C1orf105: variants seen among roughly 807,000 people sequenced by gnomAD.
C1orf105 encodes the protein chromosome 1 open reading frame 105, also known as uncharacterized protein C1orf105.
C1orf105 carries 17 observed loss-of-function variants against 20.8 expected under a neutral mutation model. The ratio of observed to expected loss-of-function variants is 0.82; its 90% CI spans 0.56 to 1.23. The LOEUF (loss-of-function observed/expected upper bound fraction) is 1.23, where lower values mean the gene tolerates loss of function less well. C1orf105 is among the 50% of genes most tolerant of loss of function. The probability of loss-of-function intolerance (pLI) is 0.00; values close to 1 mark genes in which losing one functional copy is unlikely to be tolerated. For missense variants in C1orf105, 219 were observed against 213.5 expected (o/e 1.03, Z -0.16); for synonymous variants, 72 against 72.1 (o/e 1.00, Z 0.01).
At chr1:172,466,918 C>G (rs1419506648) in intron 6 of C1orf105, among the ~76,000 whole-genome samples, 1 of 152,096 alleles carries the variant, frequency 6.6e-6, no homozygotes, top group Non-Finnish European at 1.5e-5. Flanking sequence ...AGCCATGGCC[C>G]TTCTGAGCTG....
chr1:172,437,582 C>T (rs895974692), intron 1 of C1orf105, among the ~76,000 whole-genome samples: 9 of 30,808 alleles, frequency 2.9e-4, no homozygotes, highest in Admixed American at 9.5e-4. Context: ...TGGGGCCTGC[C>T]GGGGGGTGGG....
intron 1 of C1orf105, chr1:172,441,723 C>T: frequency 6.5e-7 from 1 of 1,531,446 alleles, no homozygotes; most frequent in Non-Finnish European, 8.8e-7. Context: ...TAATGGATGT[C>T]CTAATTTAAC....
At chr1:172,430,986 T>A in intron 1 of C1orf105, 1 of 492,440 alleles carries the variant, frequency 2.0e-6, no homozygotes, top group Admixed American at 3.6e-5. Flanking sequence ...GCAAACTTAG[T>A]GGATATGTGT....
chr1:172,445,153 C>T lies in C1orf105; in HGVS notation c.102C>T (p.Pro34=), dbSNP rs1647838980. 1.9e-6 allele frequency: 3 copies of T among 1,610,424 alleles called. No individual in the cohort carries two copies. The highest frequency in any genetic ancestry group is 3.4e-5 in the Admixed American group (2 of 59,256). Reference sequence around the variant, plus strand: ...ACAAGCCATTAGTGCTCAGCCTTCCCAGAAGGTAACCTCTCAGCCACCGAG... The same window carrying T: ...ACAAGCCATTAGTGCTCAGCCTTCCTAGAAGGTAACCTCTCAGCCACCGAG... The part of the protein sequence containing the change: ...LVNKPLVLSL[P]RRYPHTSATF... Residue 34 remains proline (P), a synonymous_variant, in exon 2 of 7, where the codon CCC becomes CCT. Transcript: ENST00000367727.
chr1:172,451,591 C>T (rs1648640417), intron 3 of C1orf105, among the ~76,000 whole-genome samples: 1 of 151,978 alleles, frequency 6.6e-6, no homozygotes. Flanking sequence ...ATTACAAATA[C>T]AATTTTTAAA....
chr1:172,454,665 A>G (rs1649037409), intron 3 of C1orf105, among the ~76,000 whole-genome samples: 1 of 151,536 alleles, frequency 6.6e-6, no homozygotes, highest in African/African-American at 2.4e-5. Flanking sequence ...CACCCTCACC[A>G]TCCTTGTTCA....
At position 172,420,911 on chromosome 1, in the gene C1orf105, G is replaced by GA. The variant is rs764816647; in HGVS notation, c.21+12dup. 9 of 1,607,056 alleles carry GA rather than the reference G, an allele frequency of 5.6e-6. No individual in the cohort carries two copies. The highest frequency in any genetic ancestry group is 1.7e-4 in the Middle Eastern group (1 of 6,038). ...ATGGAAAAAAGAGAACTAAAGGTAG[G>GA]AAAAAAATAAATGAAACTTCCAATT... On this transcript the variant is annotated splice_donor_region_variant and intron_variant, in intron 1 of 6. Transcript: ENST00000367727.
chr1:172,467,113 C>T (rs1157024942), intron 6 of C1orf105, among the ~76,000 whole-genome samples: 8 of 152,200 alleles, frequency 5.3e-5, no homozygotes, highest in Admixed American at 5.2e-4. Context: ...TCACCTTTGA[C>T]TGACCCAGGA....
intron 1 of C1orf105, among the ~76,000 whole-genome samples, chr1:172,421,566 C>G (rs1266841603): frequency 2.0e-5 from 3 of 151,992 alleles, no homozygotes; most frequent in Non-Finnish European, 2.9e-5. Context: ...TAAAAAAATC[C>G]TAAGTTGGGG....
intron 5 of C1orf105, among the ~76,000 whole-genome samples, chr1:172,464,068 TA>T (rs1245783642): frequency 6.6e-6 from 1 of 152,242 alleles, no homozygotes. Context: ...TGTGGTTTTT[TA>T]AAAAGTGACT....
intron 3 of C1orf105, chr1:172,453,271 G>A (rs960715995): frequency 2.8e-6 from 4 of 1,432,066 alleles, no homozygotes; most frequent in Admixed American, 2.3e-5. Flanking sequence ...ATCCGCCTCT[G>A]TCTTTTTGAA....
chr1:172,435,930 C>A, intron 1 of C1orf105, among the ~76,000 whole-genome samples: 1 of 152,188 alleles, frequency 6.6e-6, no homozygotes, highest in East Asian at 1.9e-4. Flanking sequence ...GCAAAAATCA[C>A]AAGCATTCCT....
At position 172,453,273 on chromosome 1, in the gene C1orf105, C is replaced by G; in HGVS notation, c.199-3142C>G. 2.8e-6 allele frequency: 4 copies of G among 1,412,232 alleles called. No individual in the cohort carries two copies. In the East Asian group the frequency reaches 7.5e-5, roughly 27 times the overall value. The allele number at this position is 1,412,232 out of a possible 1,614,324, so 87.5% of individuals were successfully genotyped here. On this transcript the variant is annotated intron_variant, in intron 3 of 6. Transcript: ENST00000367727. ...ACAGGATTAGAGCATCCGCCTCTGT[C>G]TTTTTGAACACAAAGACCATTATCG...
At chr1:172,450,433 A>C (rs1648494169) in intron 3 of C1orf105, among the ~76,000 whole-genome samples, 1 of 152,248 alleles carries the variant, frequency 6.6e-6, no homozygotes, top group Non-Finnish European at 1.5e-5. Context: ...TGCGTGTATG[A>C]AGGCCTGCAC....
chr1:172,453,052 G>A (rs544516037), intron 3 of C1orf105: 32 of 1,550,454 alleles, frequency 2.1e-5, no homozygotes, highest in South Asian at 2.0e-4. Flanking sequence ...AGGACATGGC[G>A]TCTCAAATGT....
At chr1:172,430,350 C>T (rs1203443523) in intron 1 of C1orf105, 11 of 700,018 alleles carry the variant, frequency 1.6e-5, no homozygotes, top group Non-Finnish European at 2.9e-5. Flanking sequence ...GCCTCATCAT[C>T]CTTCTGATGG....
intron 3 of C1orf105, among the ~76,000 whole-genome samples, chr1:172,450,154 C>T (rs1648454998): frequency 6.6e-6 from 1 of 152,216 alleles, no homozygotes; most frequent in Admixed American, 6.5e-5. Context: ...TCCTGGGAGG[C>T]CAGTTTCCCG....
intron 1 of C1orf105, among the ~76,000 whole-genome samples, chr1:172,423,515 T>A (rs949904216): frequency 1.6e-4 from 24 of 152,030 alleles, no homozygotes; most frequent in African/African-American, 5.6e-4. Flanking sequence ...CTGGAAAACA[T>A]TCCGAAGAAG....
intron 1 of C1orf105, among the ~76,000 whole-genome samples, chr1:172,439,280 C>T (rs1448991958): frequency 6.6e-6 from 1 of 152,104 alleles, no homozygotes; most frequent in African/African-American, 2.4e-5. Flanking sequence ...CTTAACTTGC[C>T]ACTGACTACA....
Sources: gnomAD v4.1 joint callset for allele counts (sites outside exome capture counted in the v4.1 genomes callset) on GRCh38, gnomAD v4.1.1 for gene constraint, MANE v1.5 for transcripts, NCBI Gene and HGNC (gene_info 2026-07-23, HGNC 2026-07-21) for gene names.